The following UGGT1 variants were observed in gnomAD, a reference collection of about 807,000 sequenced individuals.
UGGT1 encodes the protein UDP-glucose glycoprotein glucosyltransferase 1.
In UGGT1, 107 loss-of-function variants were observed where a neutral mutation model predicts 203.9. The observed-to-expected ratio is 0.52, with a 90% CI of 0.45 to 0.62. The LOEUF (loss-of-function observed/expected upper bound fraction) is 0.62, where lower values mean the gene tolerates loss of function less well. Among genes scored for constraint, UGGT1 ranks in the 20% least tolerant of loss-of-function variants. The pLI is 0.00. For missense variants in UGGT1, 1,673 were observed against 1,867.2 expected (o/e 0.90, Z 1.92); for synonymous variants, 628 against 653.5 (o/e 0.96, Z 0.59).
chr2:128,100,732 A>C (rs987771075), intron 2 of UGGT1, among the ~76,000 whole-genome samples: 1 of 152,144 alleles, frequency 6.6e-6, no homozygotes, highest in Non-Finnish European at 1.5e-5. Context: ...TCTGTTTAAC[A>C]TTCTTACCCT....
chr2:128,117,154 A>G (rs936866784), intron 8 of UGGT1, among the ~76,000 whole-genome samples: 3 of 152,082 alleles, frequency 2.0e-5, no homozygotes, highest in South Asian at 2.1e-4. Flanking sequence ...CAGTGGTGCA[A>G]TCTCAGTTCA....
chr2:128,099,331 A>G (rs762781242), intron 2 of UGGT1, among the ~76,000 whole-genome samples: 2 of 151,860 alleles, frequency 1.3e-5, no homozygotes, highest in African/African-American at 2.4e-5. Context: ...TTTTATAGAG[A>G]TGGGCTTTCA....
At chr2:128,164,197 A>G (rs1690666726) in intron 25 of UGGT1, among the ~76,000 whole-genome samples, 1 of 152,150 alleles carries the variant, frequency 6.6e-6, no homozygotes, top group Non-Finnish European at 1.5e-5. Context: ...TTGAAATATC[A>G]CTGTATTTAT....
chr2:128,135,974 A>G (rs1689112955), intron 15 of UGGT1, among the ~76,000 whole-genome samples: 1 of 152,240 alleles, frequency 6.6e-6, no homozygotes, highest in African/African-American at 2.4e-5. Flanking sequence ...CAAAAGAGAA[A>G]TATAAGGACA....
At chr2:128,154,060 T>TATACACACAC (rs147214333) in intron 19 of UGGT1, among the ~76,000 whole-genome samples, 3,424 of 149,742 alleles carry the variant, frequency 0.023, 70 homozygotes, top group African/African-American at 0.062. Context: ...CATGTATATA[T>TATACACACAC]ACACACACAC....
At chr2:128,111,950 G>T (rs1054435572) in intron 5 of UGGT1, among the ~76,000 whole-genome samples, 1 of 149,730 alleles carries the variant, frequency 6.7e-6, no homozygotes, top group East Asian at 2.0e-4. Flanking sequence ...ACCAGCCTGG[G>T]CAACATGACA....
intron 2 of UGGT1, among the ~76,000 whole-genome samples, chr2:128,097,944 C>T (rs1465743237): frequency 3.9e-5 from 6 of 152,146 alleles, no homozygotes; most frequent in Admixed American, 3.9e-4. Flanking sequence ...TCACTGTGAC[C>T]TCCGCCTCCT....
In UGGT1 at chr2:128,164,727, C is replaced by T; in HGVS notation, c.2826-3C>T. 6.2e-7 allele frequency: 1 copy of T among 1,613,766 alleles called. No homozygotes were observed. Among genetic ancestry groups the T allele is most frequent in the Non-Finnish European group, 8.5e-7 (1 of 1,179,754 alleles). ...TTAAGATTTCTCTAACCCCTTCTTTCAGGGCAAGCGACTTGGTAATGAAGG... is the reference window on the plus strand; with the variant it reads ...TTAAGATTTCTCTAACCCCTTCTTTTAGGGCAAGCGACTTGGTAATGAAGG... On this transcript the variant is annotated splice_region_variant and splice_polypyrimidine_tract_variant and intron_variant, in intron 25 of 40. Transcript: ENST00000259253.
intron 14 of UGGT1, 130 bp downstream of exon 14, chr2:128,133,390 T>C (rs1688977973): frequency 8.1e-7 from 1 of 1,237,286 alleles, no homozygotes; most frequent in Non-Finnish European, 1.1e-6. Context: ...CCAAATACTC[T>C]TCCCTGTTCA....
At chr2:128,183,234 A>G (rs1157633155) in intron 37 of UGGT1, among the ~76,000 whole-genome samples, 1 of 152,228 alleles carries the variant, frequency 6.6e-6, no homozygotes, top group East Asian at 1.9e-4. Flanking sequence ...CGGCACATGC[A>G]GAGATCACTG....
At chr2:128,108,206 A>T in intron 4 of UGGT1, 138 bp downstream of exon 4, 1 of 1,144,152 alleles carries the variant, frequency 8.7e-7, no homozygotes, top group Non-Finnish European at 1.2e-6. Context: ...ATGATTTTTA[A>T]AAAAAATAAT....
chr2:128,129,397 AT>A (rs70988610), intron 13 of UGGT1, among the ~76,000 whole-genome samples: 73,979 of 132,046 alleles, frequency 0.56, 19,814 homozygotes, highest in Admixed American at 0.62. Context: ...TAAGACAGTG[AT>A]TTTTTTTTTT....
intron 10 of UGGT1, 82 bp downstream of exon 10, chr2:128,121,380 T>C (rs1484777086): frequency 1.1e-6 from 1 of 919,814 alleles, no homozygotes; most frequent in Non-Finnish European, 1.6e-6. Context: ...AATAACAATA[T>C]GAAAATTCCT....
intron 5 of UGGT1, among the ~76,000 whole-genome samples, chr2:128,110,380 G>A (rs1687791755): frequency 1.3e-5 from 2 of 152,166 alleles, no homozygotes; most frequent in Admixed American, 1.3e-4. Context: ...GTTAGGTGGT[G>A]TAGGTCTTCT....
At chr2:128,186,640 T>A (rs777707476) in intron 38 of UGGT1, 43 bp from the exon 39 acceptor site, 12 of 1,477,564 alleles carry the variant, frequency 8.1e-6, no homozygotes, top group Non-Finnish European at 1.1e-5. Flanking sequence ...CGCCAGAACT[T>A]TAGATACATG....
In UGGT1 at chr2:128,157,292, G is replaced by T. The variant is rs199996529; in HGVS notation, c.2301G>T (p.Gly767=). Residue 767 remains glycine (G), a synonymous_variant, in exon 22 of 41, where the codon GGG becomes GGT. Transcript: ENST00000259253. ...FIRPVTFWIV[G]DFDSPSGRQL... ...GGCCAGTAACTTTTTGGATTGTTGG[G>T]GATTTTGATAGCCCTTCTGGACGGC... is the stretch of plus-strand genomic sequence containing the variant. 1.4e-5 allele frequency: 23 copies of T among 1,614,080 alleles called. No homozygotes were observed. The highest frequency in any genetic ancestry group is 1.9e-5 in the Non-Finnish European group (22 of 1,179,998).
At chr2:128,097,230 G>C (rs541614979) in intron 1 of UGGT1, among the ~76,000 whole-genome samples, 199 bp from the exon 2 acceptor site, 1 of 152,290 alleles carries the variant, frequency 6.6e-6, no homozygotes, top group East Asian at 1.9e-4. Flanking sequence ...CACAAAATTA[G>C]CAGGGTGTGG....
rs542654934 is a variant in UGGT1, at chr2:128,107,798, T to C, written c.278-140T>C. 36 of 1,142,434 alleles carry C rather than the reference T, an allele frequency of 3.2e-5. No individual in the cohort carries two copies. In the African/African-American group the frequency reaches 5.6e-4, roughly 18 times the overall value. The allele number at this position is 1,142,434 out of a possible 1,614,324, so 70.8% of individuals were successfully genotyped here. ...TTGTACTCCAGGGAGTTTTAAGCAT[T>C]TGTTGAGAGTTCAAGACAATATACT... On this transcript the variant is annotated intron_variant, in intron 3 of 40. Coordinates refer to ENST00000259253, the MANE Select transcript of UGGT1 (RefSeq NM_020120.4).
At chr2:128,120,207 A>T in intron 8 of UGGT1, 149 bp from the exon 9 acceptor site, 1 of 628,418 alleles carries the variant, frequency 1.6e-6, no homozygotes. Flanking sequence ...TTTAAAGAGG[A>T]ATAATTATAC....
Sources: allele counts gnomAD v4.1 joint callset (sites outside exome capture counted in the v4.1 genomes callset), GRCh38; gene constraint gnomAD v4.1.1; transcripts MANE v1.5; gene names NCBI Gene and HGNC (gene_info 2026-07-23, HGNC 2026-07-21).